Variants in ABLIM1 observed in about 807,000 individuals in gnomAD.
The protein encoded by ABLIM1 is actin-binding LIM protein 1.
ABLIM1 carries 40 observed loss-of-function variants against 107.0 expected under a neutral mutation model. The ratio of observed to expected loss-of-function variants is 0.37; its 90% CI spans 0.29 to 0.49. The LOEUF (loss-of-function observed/expected upper bound fraction) is 0.49, where lower values mean the gene tolerates loss of function less well. ABLIM1 is among the 20% of genes least tolerant of loss of function. The pLI is 0.97. For synonymous variants in ABLIM1, 357 were observed against 357.3 expected (o/e 1.00, Z 0.01); for missense variants, 857 against 1,008.5 (o/e 0.85, Z 2.04).
intron 1 of ABLIM1, among the ~76,000 whole-genome samples, chr10:114,752,103 G>C (rs551244476): frequency 6.6e-6 from 1 of 152,288 alleles, no homozygotes; most frequent in African/African-American, 2.4e-5. Flanking sequence ...TACAGGAATT[G>C]AGTCAAAGTA....
the ABLIM1 span, among the ~76,000 whole-genome samples, chr10:114,783,968 C>T: frequency 6.6e-6 from 1 of 151,962 alleles, no homozygotes; most frequent in African/African-American, 2.4e-5. Flanking sequence ...TCATGAGAGT[C>T]GTTTCTGGAC....
intron 1 of ABLIM1, chr10:114,690,078 T>TG: frequency 1.1e-6 from 1 of 886,796 alleles, no homozygotes; most frequent in Non-Finnish European, 1.8e-6. Context: ...GCAAATGGGG[T>TG]GGAGGGTGCT....
intron 2 of ABLIM1, among the ~76,000 whole-genome samples, chr10:114,581,649 T>A (rs758014088): frequency 4.0e-4 from 61 of 152,246 alleles, no homozygotes; most frequent in Non-Finnish European, 7.9e-4. Context: ...GCATTTTAAT[T>A]GGGGTGCCAG....
chr10:114,761,204 C>T (rs808300), intron 1 of ABLIM1, among the ~76,000 whole-genome samples: 8,603 of 151,760 alleles, frequency 0.057, 313 homozygotes, highest in Middle Eastern at 0.096. Context: ...AGAAGTCTCC[C>T]ATTTATCAAC....
At chr10:114,640,374 A>G (rs1045963978) in intron 1 of ABLIM1, among the ~76,000 whole-genome samples, 5 of 152,200 alleles carry the variant, frequency 3.3e-5, no homozygotes, top group Non-Finnish European at 1.5e-5. Context: ...TAAAAATACA[A>G]AAATTAGCTG....
intron 12 of ABLIM1, among the ~76,000 whole-genome samples, chr10:114,464,645 T>C (rs7911224): frequency 0.04 from 6,074 of 152,306 alleles, 356 homozygotes; most frequent in African/African-American, 0.13. Context: ...CAAACATTTA[T>C]CAGTGTAGAG....
At chr10:114,683,746 G>T (rs1591821058) in intron 1 of ABLIM1, among the ~76,000 whole-genome samples, 2 of 152,294 alleles carry the variant, frequency 1.3e-5, no homozygotes, top group East Asian at 3.9e-4. Flanking sequence ...GGAGCAGCCT[G>T]TGAGACTGCG....
At chr10:114,504,867 C>T (rs2060916469) in intron 6 of ABLIM1, among the ~76,000 whole-genome samples, 1 of 152,198 alleles carries the variant, frequency 6.6e-6, no homozygotes, top group African/African-American at 2.4e-5. Flanking sequence ...AGTAGTGGTT[C>T]TGCCTAGCTT....
chr10:114,787,522 G>C, the ABLIM1 span, among the ~76,000 whole-genome samples: 1 of 144,462 alleles, frequency 6.9e-6, no homozygotes, highest in Admixed American at 6.9e-5. Flanking sequence ...CCCTGTCCGG[G>C]AGGGAGGTGT....
At chr10:114,716,714 C>T (rs776282550) in intron 1 of ABLIM1, among the ~76,000 whole-genome samples, 1 of 151,994 alleles carries the variant, frequency 6.6e-6, no homozygotes, top group Non-Finnish European at 1.5e-5. Flanking sequence ...TTTAAAACTC[C>T]AAGAACAAAC....
At chr10:114,614,444 C>T (rs1269268688) in intron 1 of ABLIM1, among the ~76,000 whole-genome samples, 3 of 152,102 alleles carry the variant, frequency 2.0e-5, no homozygotes, top group African/African-American at 7.2e-5. Context: ...CCATCCTCCC[C>T]ACTAAAGTAT....
At chr10:114,589,051 T>A (rs190420759) in intron 2 of ABLIM1, among the ~76,000 whole-genome samples, 7 of 152,282 alleles carry the variant, frequency 4.6e-5, no homozygotes, top group Non-Finnish European at 7.3e-5. Context: ...CGACTTGGCC[T>A]AGTATAATGT....
At chr10:114,439,829 ACTCTC>A in intron 20 of ABLIM1, 3 of 552,688 alleles carry the variant, frequency 5.4e-6, no homozygotes, top group Non-Finnish European at 9.6e-6. Flanking sequence ...CCCAGAGAGG[ACTCTC>A]CAAGGCCAAA....
intron 14 of ABLIM1, chr10:114,450,166 T>C (rs1267865799): frequency 2.4e-5 from 8 of 336,304 alleles, no homozygotes; most frequent in Non-Finnish European, 4.8e-5. Flanking sequence ...AAGTCAGTAG[T>C]TAAACATTCA....
intron 4 of ABLIM1, among the ~76,000 whole-genome samples, chr10:114,550,967 C>T (rs773782670): frequency 1.3e-5 from 2 of 152,116 alleles, no homozygotes; most frequent in African/African-American, 2.4e-5. Context: ...AATGGATGGG[C>T]TCAGGGAGGT....
chr10:114,497,681 CAAAAAAAA>C (rs576676119), intron 6 of ABLIM1, among the ~76,000 whole-genome samples: 4 of 75,562 alleles, frequency 5.3e-5, no homozygotes, highest in Admixed American at 1.7e-4. Context: ...GATTCTGTCT[CAAAAAAAA>C]AAAAAAAAAA....
rs181546163 is a variant in ABLIM1 at position 114,543,805 on chromosome 10, C to T, written c.894+1200G>A. 2.6e-5 allele frequency among the ~76,000 whole-genome samples: 4 copies of T among 152,324 alleles called. No individual in the cohort carries two copies. The East Asian group carries it at 7.7e-4, about 29-fold the overall frequency. ...ACTGACGTTTCTTATGTATCCTGTG[C>T]TTTTCCTCACCTCTGAGCCTCTGCA... On this transcript the variant is annotated intron_variant, in intron 6 of 22. Transcript: ENST00000533213.
At position 114,766,490 on chromosome 10, in the gene ABLIM1, C is replaced by T. The variant is rs1591966844; in HGVS notation, c.-213+1571G>A. Among the ~76,000 whole-genome samples, 2 of 152,182 alleles carry T rather than the reference C, an allele frequency of 1.3e-5. 1 individual carries two copies. Among genetic ancestry groups the T allele is most frequent in the South Asian group, 4.1e-4 (2 of 4,830 alleles). ...AATCTCTGGGGCCATCTTCATTTCA[C>T]ATCCTCAGATAAACCCGAGACCCTG... On this transcript the variant is annotated intron_variant, in intron 1 of 15. Transcript: ENST00000651092.
intron 6 of ABLIM1, among the ~76,000 whole-genome samples, chr10:114,514,466 C>G (rs114045674): frequency 0.015 from 2,309 of 152,168 alleles, 56 homozygotes; most frequent in African/African-American, 0.049. Context: ...CTCGACCACC[C>G]GGGCTCAGTG....
Sources: gnomAD v4.1 joint callset for allele counts (sites outside exome capture counted in the v4.1 genomes callset) on GRCh38, gnomAD v4.1.1 for gene constraint, MANE v1.5 for transcripts, NCBI Gene and HGNC (gene_info 2026-07-23, HGNC 2026-07-21) for gene names.